The following RNF130 variants were observed in gnomAD, a reference collection of about 807,000 sequenced individuals.
The protein encoded by RNF130 is ring finger protein 130.
In RNF130, 21 loss-of-function variants were observed where a neutral mutation model predicts 44.6. That is an observed-to-expected ratio of 0.47 (90% CI 0.33 to 0.68). The LOEUF (loss-of-function observed/expected upper bound fraction) is 0.68, where lower values mean the gene tolerates loss of function less well. Among genes scored for constraint, RNF130 ranks in the 30% least tolerant of loss-of-function variants. The pLI, the probability that RNF130 is intolerant of heterozygous loss-of-function variation, is 0.02. For missense variants in RNF130, 479 were observed against 560.6 expected, an observed-to-expected ratio of 0.85 and a Z score of 1.47; for synonymous variants, 214 against 210.4, an observed-to-expected ratio of 1.02 and a Z score of -0.15.
At chr5:179,978,061 G>A (rs1000956997) in intron 5 of RNF130, 142 bp downstream of exon 5, 2 of 686,246 alleles carry the variant, frequency 2.9e-6, no homozygotes, top group African/African-American at 3.6e-5. Context: ...TCAGCCCCAT[G>A]GCCAGCAATG....
chr5:180,000,239 C>T (rs1763301703), intron 3 of RNF130, among the ~76,000 whole-genome samples: 1 of 152,208 alleles, frequency 6.6e-6, no homozygotes, highest in African/African-American at 2.4e-5. Flanking sequence ...TCCATTCTCT[C>T]CTAGGCTGTA....
intron 7 of RNF130, among the ~76,000 whole-genome samples, chr5:179,928,990 C>T (rs948907681): frequency 2.6e-5 from 4 of 152,134 alleles, no homozygotes; most frequent in African/African-American, 7.2e-5. Context: ...AATTATCTAA[C>T]TTTTATTTTA....
intron 1 of RNF130, among the ~76,000 whole-genome samples, chr5:180,052,456 C>T (rs1764708736): frequency 6.6e-6 from 1 of 152,248 alleles, no homozygotes; most frequent in Non-Finnish European, 1.5e-5. Flanking sequence ...GACACAAGGA[C>T]ACCACCCTTG....
intron 7 of RNF130, among the ~76,000 whole-genome samples, chr5:179,946,594 C>CTA (rs1762042725): frequency 6.6e-6 from 1 of 150,964 alleles, no homozygotes; most frequent in Non-Finnish European, 1.5e-5. Context: ...CGCTCTGTCG[C>CTA]CCAGGCTGGA....
intron 2 of RNF130, among the ~76,000 whole-genome samples, chr5:180,037,324 C>T (rs573550479): frequency 1.3e-5 from 2 of 152,262 alleles, no homozygotes; most frequent in Admixed American, 6.5e-5. Context: ...GGCTCTCACA[C>T]GGTTGGAGGT....
intron 3 of RNF130, among the ~76,000 whole-genome samples, chr5:179,992,436 C>T (rs1274377955): frequency 6.6e-6 from 1 of 152,242 alleles, no homozygotes; most frequent in Non-Finnish European, 1.5e-5. Flanking sequence ...GCCACCACGC[C>T]CGGCCCTAAA....
intron 7 of RNF130, among the ~76,000 whole-genome samples, chr5:179,937,943 A>T (rs902661910): frequency 1.9e-3 from 281 of 149,530 alleles, no homozygotes; most frequent in African/African-American, 4.8e-3. Context: ...TGAGAGAGAG[A>T]GAGAGAGAGA....
chr5:180,016,054 G>A (rs1763719837), intron 2 of RNF130, among the ~76,000 whole-genome samples: 1 of 152,182 alleles, frequency 6.6e-6, no homozygotes, highest in Non-Finnish European at 1.5e-5. Flanking sequence ...AGCCGCTCGC[G>A]GTGGCGTCAT....
chr5:180,024,812 T>G (rs1423189734), intron 2 of RNF130, among the ~76,000 whole-genome samples: 1 of 152,198 alleles, frequency 6.6e-6, no homozygotes, highest in Non-Finnish European at 1.5e-5. Context: ...CCTTCACGAA[T>G]GAGGGGTCCC....
intron 2 of RNF130, among the ~76,000 whole-genome samples, chr5:180,019,554 G>C (rs1290443614): frequency 6.6e-6 from 1 of 152,140 alleles, no homozygotes; most frequent in Non-Finnish European, 1.5e-5. Context: ...CTGACTTAAT[G>C]AAAGTCCTTC....
chr5:179,969,187 T>C (rs139254785), intron 6 of RNF130, among the ~76,000 whole-genome samples: 2 of 152,300 alleles, frequency 1.3e-5, no homozygotes, highest in East Asian at 1.9e-4. Context: ...ACCCTGGCTA[T>C]ACATGCTTCT....
intron 1 of RNF130, among the ~76,000 whole-genome samples, chr5:180,042,026 G>C (rs771645081): frequency 1.3e-5 from 2 of 152,164 alleles, no homozygotes; most frequent in Admixed American, 6.5e-5. Context: ...CTGGGTGATA[G>C]AACAAGACCT....
chr5:179,971,896 T>C (rs1762595490), intron 5 of RNF130, among the ~76,000 whole-genome samples: 1 of 152,228 alleles, frequency 6.6e-6, no homozygotes, highest in African/African-American at 2.4e-5. Flanking sequence ...TATCACTGTT[T>C]GATGGCCTTA....
At chr5:180,026,435 G>T (rs1383682908) in intron 2 of RNF130, among the ~76,000 whole-genome samples, 1 of 152,044 alleles carries the variant, frequency 6.6e-6, no homozygotes, top group East Asian at 1.9e-4. Context: ...AACCCATAAC[G>T]TCCCCTTCAT....
chr5:179,990,777 T>C (rs940616499), intron 3 of RNF130, among the ~76,000 whole-genome samples: 6 of 152,250 alleles, frequency 3.9e-5, no homozygotes, highest in Non-Finnish European at 7.3e-5. Flanking sequence ...TTCTGGTCAC[T>C]TCTCACCATG....
At chr5:180,044,831 CA>C (rs1009813356) in intron 1 of RNF130, among the ~76,000 whole-genome samples, 58 of 136,870 alleles carry the variant, frequency 4.2e-4, no homozygotes, top group Middle Eastern at 3.7e-3. Flanking sequence ...GACTCCGTCT[CA>C]AAAAAAAAAA....
intron 8 of RNF130, among the ~76,000 whole-genome samples, chr5:179,957,536 C>T (rs1561668655): frequency 6.6e-6 from 1 of 152,234 alleles, no homozygotes; most frequent in Non-Finnish European, 1.5e-5. Flanking sequence ...TTGTCTCCTT[C>T]AACCACATTA....
At chr5:180,024,450 GT>G (rs200694139) in intron 2 of RNF130, among the ~76,000 whole-genome samples, 11 of 151,376 alleles carry the variant, frequency 7.3e-5, no homozygotes, top group East Asian at 1.9e-4. Flanking sequence ...AAAAAGTAAA[GT>G]TTTTTTTTAA....
chr5:180,013,458 C>T, intron 2 of RNF130, 147 bp from the exon 3 acceptor site: 1 of 704,614 alleles, frequency 1.4e-6, no homozygotes. Flanking sequence ...AATGTAGATG[C>T]AGCTGGGTAT....
Sources: allele counts gnomAD v4.1 joint callset (sites outside exome capture counted in the v4.1 genomes callset), GRCh38; gene constraint gnomAD v4.1.1; transcripts MANE v1.5; gene names NCBI Gene and HGNC (gene_info 2026-07-23, HGNC 2026-07-21).